RPRD2: variants seen among roughly 807,000 people sequenced by gnomAD.
RPRD2 encodes the protein regulation of nuclear pre-mRNA domain containing 2.
A neutral mutation model predicts 104.4 loss-of-function variants in RPRD2; 12 were observed. The ratio of observed to expected loss-of-function variants is 0.11; its 90% CI spans 0.07 to 0.19. The LOEUF (loss-of-function observed/expected upper bound fraction) is 0.19, where lower values mean the gene tolerates loss of function less well. RPRD2 is among the 10% of genes least tolerant of loss of function. The pLI, the probability that RPRD2 is intolerant of heterozygous loss-of-function variation, is 1.00. For missense variants in RPRD2, 1,543 were observed against 1,790.1 expected (o/e 0.86, Z 2.49); for synonymous variants, 714 against 684.9 (o/e 1.04, Z -0.66).
intron 2 of RPRD2, among the ~76,000 whole-genome samples, chr1:150,439,408 AGGCTGC>A (rs68059817): frequency 0.55 from 83,201 of 151,402 alleles, 23,585 homozygotes; most frequent in Non-Finnish European, 0.61. Flanking sequence ...CAGGAGGCTG[AGGCTGC>A]GGCTGCAGTG....
intron 8 of RPRD2, among the ~76,000 whole-genome samples, chr1:150,458,946 A>G (rs1044115148): frequency 3.3e-5 from 5 of 152,112 alleles, no homozygotes; most frequent in African/African-American, 1.2e-4. Context: ...CCCGGCCCTG[A>G]TTCTTTTTTT....
At chr1:150,401,666 C>T (rs112294023) in intron 1 of RPRD2, among the ~76,000 whole-genome samples, 10,125 of 149,736 alleles carry the variant, frequency 0.068, 924 homozygotes, top group African/African-American at 0.2. Flanking sequence ...TTTTTTGAGA[C>T]GGAGTGTCAC....
At chr1:150,452,512 C>T (rs2102391672) in intron 7 of RPRD2, among the ~76,000 whole-genome samples, 1 of 152,134 alleles carries the variant, frequency 6.6e-6, no homozygotes, top group East Asian at 1.9e-4. Flanking sequence ...CCTTACCAGA[C>T]TTTCGATGTA....
chr1:150,396,868 T>C (rs1297566946), intron 1 of RPRD2, among the ~76,000 whole-genome samples: 5 of 152,244 alleles, frequency 3.3e-5, no homozygotes, highest in African/African-American at 4.8e-5. Context: ...AACGGAATAA[T>C]GTAGGGAAAG....
At chr1:150,411,175 A>G (rs1000128515) in intron 1 of RPRD2, among the ~76,000 whole-genome samples, 2 of 152,132 alleles carry the variant, frequency 1.3e-5, no homozygotes, top group African/African-American at 4.8e-5. Context: ...GTTAAAAATT[A>G]TAGGCGGGGC....
chr1:150,452,526 A>G (rs1042808081), intron 7 of RPRD2, among the ~76,000 whole-genome samples: 1 of 152,168 alleles, frequency 6.6e-6, no homozygotes, highest in Non-Finnish European at 1.5e-5. Context: ...CGATGTATTC[A>G]TTTATTTATA....
intron 1 of RPRD2, among the ~76,000 whole-genome samples, chr1:150,390,088 T>TA (rs1397793323): frequency 6.6e-6 from 1 of 152,076 alleles, no homozygotes; most frequent in Non-Finnish European, 1.5e-5. Context: ...TTCAACAAAA[T>TA]ATAAGCTTAC....
At chr1:150,409,765 C>G (rs1450237058) in intron 1 of RPRD2, among the ~76,000 whole-genome samples, 1 of 151,330 alleles carries the variant, frequency 6.6e-6, no homozygotes, top group African/African-American at 2.4e-5. Flanking sequence ...CAGCCTCAGC[C>G]TCCTCAGCAG....
At chr1:150,465,492 T>A (rs1057012642) in intron 10 of RPRD2, among the ~76,000 whole-genome samples, 8 of 152,250 alleles carry the variant, frequency 5.3e-5, no homozygotes, top group Admixed American at 4.6e-4. Context: ...AGAGACTAAG[T>A]ATTATCTAGT....
At chr1:150,454,259 T>G (rs1220186339) in intron 7 of RPRD2, among the ~76,000 whole-genome samples, 1 of 152,196 alleles carries the variant, frequency 6.6e-6, no homozygotes, top group Non-Finnish European at 1.5e-5. Flanking sequence ...TCTTTTTATT[T>G]AATAGTGGCC....
intron 2 of RPRD2, among the ~76,000 whole-genome samples, chr1:150,427,667 C>T (rs114472804): frequency 0.079 from 12,022 of 151,902 alleles, 653 homozygotes; most frequent in Admixed American, 0.16. Context: ...GATATGGTGG[C>T]GCGTGCCTGT....
At chr1:150,425,741 C>G (rs1488072365) in intron 2 of RPRD2, among the ~76,000 whole-genome samples, 1 of 151,932 alleles carries the variant, frequency 6.6e-6, no homozygotes, top group East Asian at 1.9e-4. Context: ...GATTATTATC[C>G]TCATTTTACA....
In RPRD2 at chr1:150,472,762, C is replaced by G; in HGVS notation, c.3814C>G (p.Pro1272Ala). ...HSGIPFPTPP[P>A]PPPPGEHSSS... ...TGGAATTCCTTTCCCTACCCCACCT[C>G]CTCCTCCCCCTCCTGGGGAACATAG... The change falls in exon 11 of 11, where the codon CCT becomes GCT. Residue 1272 changes from proline to alanine, a missense_variant. Transcript: ENST00000369068. 1.2e-6 allele frequency: 2 copies of G among 1,611,404 alleles called. No homozygotes were observed. The highest frequency in any genetic ancestry group is 1.7e-6 in the Non-Finnish European group (2 of 1,177,574).
At chr1:150,398,266 G>A (rs12032387) in intron 1 of RPRD2, among the ~76,000 whole-genome samples, 17,523 of 151,292 alleles carry the variant, frequency 0.12, 1,424 homozygotes, top group East Asian at 0.44. Context: ...GCGCGATCTC[G>A]GCTCACTGCA....
At chr1:150,443,668 A>G (rs1666552563) in intron 5 of RPRD2, among the ~76,000 whole-genome samples, 1 of 152,290 alleles carries the variant, frequency 6.6e-6, no homozygotes, top group South Asian at 2.1e-4. Flanking sequence ...TTAATTCTGT[A>G]TCCATAAATT....
At chr1:150,388,054 C>T (rs1406582711) in intron 1 of RPRD2, among the ~76,000 whole-genome samples, 1 of 151,358 alleles carries the variant, frequency 6.6e-6, no homozygotes, top group Non-Finnish European at 1.5e-5. Context: ...GTAGCTGGGA[C>T]TACAGGGGTG....
chr1:150,436,873 C>A (rs1406262548), intron 2 of RPRD2, among the ~76,000 whole-genome samples: 1 of 120,456 alleles, frequency 8.3e-6, no homozygotes, highest in Non-Finnish European at 1.8e-5. Context: ...CCATTGCACT[C>A]CAGCCTGGGC....
At position 150,473,400 on chromosome 1, in the gene RPRD2, G is replaced by C; in HGVS notation, c.*66G>C. On this transcript the variant is annotated 3_prime_UTR_variant, in exon 11 of 11. Coordinates refer to ENST00000369068, the MANE Select transcript of RPRD2 (RefSeq NM_015203.5). The stretch of plus-strand genomic sequence containing the variant: ...ATTGGAAGTAGGAGTTTGGTTTATT[G>C]TTGTTGTTTTTATTTGTTTTCTCTT... 1 of 1,436,862 alleles carries C rather than the reference G, an allele frequency of 7.0e-7. No homozygotes were observed. The allele number at this position is 1,436,862 out of a possible 1,614,324, so 89.0% of individuals were successfully genotyped here.
intron 7 of RPRD2, among the ~76,000 whole-genome samples, chr1:150,447,715 C>CT (rs1553895814): frequency 6.6e-6 from 1 of 152,196 alleles, no homozygotes; most frequent in East Asian, 1.9e-4. Flanking sequence ...AAGAAACTAA[C>CT]TGTTCCATAA....
Sources: allele counts gnomAD v4.1 joint callset (sites outside exome capture counted in the v4.1 genomes callset), GRCh38; gene constraint gnomAD v4.1.1; transcripts MANE v1.5; gene names NCBI Gene and HGNC (gene_info 2026-07-23, HGNC 2026-07-21).